Variants in AKAP7 observed in about 807,000 individuals in gnomAD.
AKAP7 encodes A kinase (PRKA) anchor protein 7.
Under a neutral mutation model 39.5 loss-of-function variants are expected in AKAP7, and 39 were observed. That is an observed-to-expected ratio of 0.99 (90% CI 0.76 to 1.29). The LOEUF (loss-of-function observed/expected upper bound fraction) is 1.29, where lower values mean the gene tolerates loss of function less well. Ranked by LOEUF, AKAP7 falls within the 50% of genes most tolerant of loss-of-function variation. AKAP7 has a pLI of 0.00. For synonymous variants in AKAP7, 140 were observed against 139.1 expected (o/e 1.01, Z -0.05); for missense variants, 414 against 407.7 (o/e 1.02, Z -0.13).
At chr6:131,131,151 A>C (rs1800319179), upstream of AKAP7, among the ~76,000 whole-genome samples, 1 of 152,168 alleles carries the variant, frequency 6.6e-6, no homozygotes, top group South Asian at 2.1e-4. Context: ...TTATGAACCA[A>C]AGTGACTCTC....
chr6:131,250,368 G>A, intron 7 of AKAP7: 1 of 1,408,164 alleles, frequency 7.1e-7, no homozygotes, highest in Non-Finnish European at 9.3e-7. Context: ...GACTGGAGGT[G>A]GAGCCTTTTT....
chr6:131,268,572 A>G lies in AKAP7; in HGVS notation c.851-12958A>G, dbSNP rs141212661. 2.6e-3 allele frequency among the ~76,000 whole-genome samples: 392 copies of G among 152,288 alleles called. 10 individuals are homozygous for G. Among genetic ancestry groups the G allele is most frequent in the Admixed American group, 0.022 (342 of 15,284 alleles). On this transcript the variant is annotated intron_variant, in intron 7 of 7. Transcript: ENST00000431975. ...GTTTGGTGTGTCCTTACTGCTTATA[A>G]AAGGAGTGAAGTGTATTTGCAACTT...
chr6:131,247,374 GGA>G (rs1472420519), intron 7 of AKAP7, among the ~76,000 whole-genome samples: 1 of 137,096 alleles, frequency 7.3e-6, no homozygotes, highest in Admixed American at 7.8e-5. Flanking sequence ...CACCCAGGCT[GGA>G]GTGCAGTGGC....
At chr6:131,235,568 C>T (rs1175362365) in intron 7 of AKAP7, among the ~76,000 whole-genome samples, 2 of 152,190 alleles carry the variant, frequency 1.3e-5, no homozygotes, top group African/African-American at 4.8e-5. Flanking sequence ...TCTCCAGCAC[C>T]TGTTGTTTCC....
chr6:131,256,512 A>G (rs981660674), intron 7 of AKAP7, among the ~76,000 whole-genome samples: 3 of 152,172 alleles, frequency 2.0e-5, no homozygotes, highest in Non-Finnish European at 4.4e-5. Context: ...GCAAGGTTGT[A>G]GAATTATTCC....
At chr6:131,156,839 AT>A (rs1259462930) in intron 2 of AKAP7, among the ~76,000 whole-genome samples, 1 of 151,186 alleles carries the variant, frequency 6.6e-6, no homozygotes, top group Non-Finnish European at 1.5e-5. Context: ...CAGTGGTGCA[AT>A]TTCGGCTCCC....
At chr6:131,175,507 G>A (rs1804492081) in intron 5 of AKAP7, among the ~76,000 whole-genome samples, 1 of 152,116 alleles carries the variant, frequency 6.6e-6, no homozygotes, top group East Asian at 1.9e-4. Flanking sequence ...CTAAATATTG[G>A]CAGGATAAAG....
intron 2 of AKAP7, among the ~76,000 whole-genome samples, chr6:131,150,818 A>G (rs1458935049): frequency 6.6e-6 from 1 of 152,182 alleles, no homozygotes; most frequent in East Asian, 1.9e-4. Context: ...GCTGTCTCAC[A>G]GGATTGTTGG....
Position 131,209,740 on chromosome 6 carries a change from G to C in AKAP7, c.703-9921G>C, listed in dbSNP as rs17060119. Among the ~76,000 whole-genome samples, 2,168 of 149,412 alleles carry C rather than the reference G, an allele frequency of 0.015. 145 individuals are homozygous for C. The East Asian group carries it at 0.19, about 13-fold the overall frequency. ...TGTTTTTCTCAGCGAGTCGTTTTTAGACATTTTGAAACTTCTGTCAGCTGG... is the reference window on the plus strand; with the variant it reads ...TGTTTTTCTCAGCGAGTCGTTTTTACACATTTTGAAACTTCTGTCAGCTGG... On this transcript the variant is annotated intron_variant, in intron 6 of 7. Coordinates refer to ENST00000431975, the MANE Select transcript of AKAP7 (RefSeq NM_016377.4).
chr6:131,269,129 C>G (rs1814063325), intron 7 of AKAP7, among the ~76,000 whole-genome samples: 1 of 152,152 alleles, frequency 6.6e-6, no homozygotes, highest in African/African-American at 2.4e-5. Context: ...GTGGCCTGAT[C>G]TCGGCTCATT....
chr6:131,130,373 C>G, the AKAP7 span, among the ~76,000 whole-genome samples: 1 of 152,340 alleles, frequency 6.6e-6, no homozygotes, highest in South Asian at 2.1e-4. Context: ...CACTGCACCT[C>G]TGCAACCTCT....
chr6:131,257,394 G>A (rs947248737), intron 7 of AKAP7, among the ~76,000 whole-genome samples: 3 of 144,894 alleles, frequency 2.1e-5, no homozygotes, highest in African/African-American at 7.6e-5. Context: ...AAAAAAGTCA[G>A]CTTGGCAGAA....
chr6:131,145,180 GTTAA>G, intron 1 of AKAP7, 101 bp from the exon 2 acceptor site: 3 of 784,648 alleles, frequency 3.8e-6, no homozygotes, highest in Non-Finnish European at 5.3e-6. Flanking sequence ...CTTAACAGAT[GTTAA>G]TTTATATTGA....
chr6:131,137,263 C>T (rs1417788498), intron 1 of AKAP7: 3 of 151,916 alleles, frequency 2.0e-5, no homozygotes, highest in Admixed American at 2.0e-4. Context: ...GATAAATTTA[C>T]TATTTACCTA....
chr6:131,132,117 CT>C (rs1267164654), upstream of AKAP7, among the ~76,000 whole-genome samples: 2 of 152,014 alleles, frequency 1.3e-5, no homozygotes, highest in African/African-American at 4.8e-5. Flanking sequence ...TCGAGACCAT[CT>C]TGGCTAACAT....
intron 7 of AKAP7, among the ~76,000 whole-genome samples, chr6:131,231,493 G>C (rs1810618145): frequency 6.6e-6 from 1 of 152,094 alleles, no homozygotes; most frequent in African/African-American, 2.4e-5. Flanking sequence ...TTTATTATCT[G>C]AGAGAACTGT....
intron 7 of AKAP7, among the ~76,000 whole-genome samples, chr6:131,265,510 G>A (rs1451172697): frequency 1.3e-5 from 2 of 152,304 alleles, no homozygotes; most frequent in East Asian, 3.9e-4. Context: ...CCATAGAGGG[G>A]CTGAGCAACT....
intron 6 of AKAP7, among the ~76,000 whole-genome samples, chr6:131,211,658 A>G (rs538705983): frequency 1.3e-5 from 2 of 150,886 alleles, no homozygotes; most frequent in East Asian, 3.9e-4. Flanking sequence ...CTGTAGTCCC[A>G]GCTGCTTGGG....
In AKAP7 at chr6:131,280,856, A is replaced by AG. The variant is rs1815140505; in HGVS notation, c.851-671dup. ...TAATTAGACCTGGATTATCACTCCCAGGGAAGTAAAATGACCATAAAATAT... is the reference window on the plus strand; with the variant it reads ...TAATTAGACCTGGATTATCACTCCCAGGGGAAGTAAAATGACCATAAAATAT... On this transcript the variant is annotated intron_variant, in intron 7 of 7. Coordinates refer to ENST00000431975, the MANE Select transcript of AKAP7 (RefSeq NM_016377.4). Among the ~76,000 whole-genome samples the AG allele has an allele frequency of 4.6e-5, 7 of 152,366 alleles. No homozygotes were observed. The South Asian group carries it at 1.4e-3, about 32-fold the overall frequency.
Sources: allele counts gnomAD v4.1 joint callset (sites outside exome capture counted in the v4.1 genomes callset), GRCh38; gene constraint gnomAD v4.1.1; transcripts MANE v1.5; gene names NCBI Gene and HGNC (gene_info 2026-07-23, HGNC 2026-07-21).